DIPK1C: variants seen among roughly 807,000 people sequenced by gnomAD.
The protein encoded by DIPK1C is familial non-conventional Alzheimer's dementia.
DIPK1C carries 33 observed loss-of-function variants against 28.0 expected under a neutral mutation model. That is an observed-to-expected ratio of 1.18 (90% CI 0.89 to 1.58). DIPK1C has a LOEUF of 1.58. Among genes scored for constraint, DIPK1C ranks in the 40% most tolerant of loss-of-function variants. DIPK1C has a pLI of 0.00. For missense variants in DIPK1C, 569 were observed against 568.5 expected (o/e 1.00, Z -0.01); for synonymous variants, 255 against 248.8 (o/e 1.02, Z -0.23).
At position 74,435,855 on chromosome 18, in the gene DIPK1C, A is replaced by C. The variant is rs1985975087; in HGVS notation, c.*646T>G. The C allele has an allele frequency of 6.6e-6, 1 of 152,500 alleles. No homozygotes were observed. The highest frequency in any genetic ancestry group is 1.5e-5 in the Non-Finnish European group (1 of 68,102). The allele number at this position is 152,500 out of a possible 1,614,324, so 9.4% of individuals were successfully genotyped here. On this transcript the variant is annotated 3_prime_UTR_variant, in exon 4 of 4. Transcript: ENST00000343998. Reference sequence around the variant, plus strand: ...CTCCCCACCCTAACCCACATCCCCAACACACTCACCTGCCCACACTCACAC... The same window carrying C: ...CTCCCCACCCTAACCCACATCCCCACCACACTCACCTGCCCACACTCACAC...
At chr18:74,448,791 C>T (rs995428533) in intron 1 of DIPK1C, among the ~76,000 whole-genome samples, 9 of 152,106 alleles carry the variant, frequency 5.9e-5, no homozygotes, top group Non-Finnish European at 1.3e-4. Context: ...AAAGCTGGAC[C>T]TCCAGTGTCT....
chr18:74,439,633 T>C (rs1986074072), intron 3 of DIPK1C, among the ~76,000 whole-genome samples: 1 of 151,960 alleles, frequency 6.6e-6, no homozygotes, highest in African/African-American at 2.4e-5. Flanking sequence ...CTGGACAACA[T>C]AGTGAGACCA....
intron 1 of DIPK1C, among the ~76,000 whole-genome samples, chr18:74,456,351 C>T (rs1304023199): frequency 6.6e-6 from 1 of 152,268 alleles, no homozygotes; most frequent in Admixed American, 6.5e-5. Flanking sequence ...TTCTCTGGCT[C>T]AGCTGAGGAG....
Position 74,436,555 on chromosome 18 carries a change from C to T in DIPK1C, c.1206G>A (p.Lys402=). ...TRRAASSVFW[K]LRQLLQATLR... ...GTGTGGCTTGGAGGAGTTGGCGAAG[C>T]TTCCAGAACACGCTGGAGGCTGCTC... Residue 402 remains lysine (K), a synonymous_variant, in exon 4 of 4, where the codon AAG becomes AAA. Coordinates refer to ENST00000343998, the MANE Select transcript of DIPK1C (RefSeq NM_001044369.3). 1 of 1,608,360 alleles carries T rather than the reference C, an allele frequency of 6.2e-7. No homozygotes were observed. The highest frequency in any genetic ancestry group is 8.5e-7 in the Non-Finnish European group (1 of 1,178,454).
intron 3 of DIPK1C, 109 bp from the exon 4 acceptor site, chr18:74,436,828 C>T: frequency 3.9e-6 from 4 of 1,038,296 alleles, no homozygotes; most frequent in East Asian, 5.2e-5. Flanking sequence ...CCCACCCCCA[C>T]CCCCGTCCTT....
At chr18:74,442,615 C>T (rs1393660369) in intron 2 of DIPK1C, among the ~76,000 whole-genome samples, 2 of 152,238 alleles carry the variant, frequency 1.3e-5, no homozygotes, top group Non-Finnish European at 2.9e-5. Context: ...AGGCATGAGC[C>T]ACCGTGCCCG....
intron 2 of DIPK1C, among the ~76,000 whole-genome samples, chr18:74,443,952 G>T (rs2144518106): frequency 6.6e-6 from 1 of 152,038 alleles, no homozygotes; most frequent in East Asian, 1.9e-4. Context: ...CCCAGGGAGA[G>T]CCAGGTTTAT....
At chr18:74,439,153 T>C (rs905014505) in intron 3 of DIPK1C, among the ~76,000 whole-genome samples, 1 of 152,180 alleles carries the variant, frequency 6.6e-6, no homozygotes, top group Non-Finnish European at 1.5e-5. Context: ...ATTTGTCAAC[T>C]GTTTCTCTTA....
intron 3 of DIPK1C, among the ~76,000 whole-genome samples, chr18:74,439,116 G>GT (rs75260962): frequency 3.3e-4 from 48 of 146,588 alleles, no homozygotes; most frequent in African/African-American, 4.5e-4. Context: ...TTTGTTTTTT[G>GT]TTTTTTTTTT....
At chr18:74,448,846 C>T (rs191469223) in intron 1 of DIPK1C, among the ~76,000 whole-genome samples, 286 of 152,284 alleles carry the variant, frequency 1.9e-3, no homozygotes, top group African/African-American at 6.5e-3. Context: ...TGGTGGCTCA[C>T]CCCTGTAACC....
chr18:74,447,325 G>C lies in DIPK1C; in HGVS notation c.199-42C>G. 1 of 1,471,858 alleles carries C rather than the reference G, an allele frequency of 6.8e-7. No homozygotes were observed. Among genetic ancestry groups the C allele is most frequent in the Non-Finnish European group, 9.0e-7 (1 of 1,106,996 alleles). The allele number at this position is 1,471,858 out of a possible 1,614,324, so 91.2% of individuals were successfully genotyped here. On this transcript the variant is annotated intron_variant, in intron 1 of 3. Transcript: ENST00000343998. The surrounding 1 kb of genome is among the most constrained non-coding windows in gnomAD (Gnocchi z 4.1). Reference sequence around the variant, plus strand: ...AGTCGGTCACCATGGGGAGGGCCTGGTGCCATCCGTCTCTCGGCTCGGGTT... The same window carrying C: ...AGTCGGTCACCATGGGGAGGGCCTGCTGCCATCCGTCTCTCGGCTCGGGTT...
intron 3 of DIPK1C, among the ~76,000 whole-genome samples, chr18:74,436,994 C>T (rs536336943): frequency 2.0e-5 from 3 of 152,052 alleles, no homozygotes; most frequent in East Asian, 3.9e-4. Context: ...AGCAGATGGA[C>T]AAAGTTCTGG....
At chr18:74,451,507 T>C (rs1986397886) in intron 1 of DIPK1C, among the ~76,000 whole-genome samples, 1 of 152,138 alleles carries the variant, frequency 6.6e-6, no homozygotes. Flanking sequence ...ATCGATGAAA[T>C]ACAAATCTAT....
chr18:74,438,966 C>A (rs1011064328), intron 3 of DIPK1C, among the ~76,000 whole-genome samples: 1 of 152,222 alleles, frequency 6.6e-6, no homozygotes, highest in African/African-American at 2.4e-5. Context: ...GAGAATGAGC[C>A]CCAGCAGCAG....
chr18:74,457,040 G>A (rs1357968877), intron 1 of DIPK1C, 22 bp downstream of exon 1: 5 of 1,425,000 alleles, frequency 3.5e-6, no homozygotes, highest in East Asian at 3.0e-5. Context: ...GCGGCGCGGG[G>A]CAGAGCGGCG....
intron 1 of DIPK1C, among the ~76,000 whole-genome samples, chr18:74,449,228 G>A: frequency 6.6e-6 from 1 of 152,206 alleles, no homozygotes. Context: ...ATCTATATGT[G>A]TTTGACTTGA....
intron 1 of DIPK1C, among the ~76,000 whole-genome samples, chr18:74,455,728 AAAAAAAAG>A (rs1162962861): frequency 6.7e-6 from 1 of 149,474 alleles, no homozygotes; most frequent in Non-Finnish European, 1.5e-5. Flanking sequence ...AACTCCATAA[AAAAAAAAG>A]AAAAAGAAAA....
chr18:74,459,742 A>G (rs924410079), upstream of DIPK1C, among the ~76,000 whole-genome samples: 6 of 152,242 alleles, frequency 3.9e-5, no homozygotes, highest in East Asian at 9.6e-4. Context: ...TGATGCTGGC[A>G]TAAAAACTGT....
chr18:74,446,025 G>A (rs138603825), intron 2 of DIPK1C, among the ~76,000 whole-genome samples: 147 of 152,354 alleles, frequency 9.6e-4, no homozygotes, highest in African/African-American at 3.0e-3. Context: ...CCGTGGTGCG[G>A]TGACAGATAT....
Sources: allele counts gnomAD v4.1 joint callset (sites outside exome capture counted in the v4.1 genomes callset), GRCh38; gene constraint gnomAD v4.1.1; non-coding constraint Gnocchi (gnomAD v3.1); transcripts MANE v1.5; gene names NCBI Gene and HGNC (gene_info 2026-07-23, HGNC 2026-07-21).